PDS5B: variants seen among roughly 807,000 people sequenced by gnomAD.
The protein encoded by PDS5B is sister chromatid cohesion protein PDS5 homolog B.
PDS5B carries 51 observed loss-of-function variants against 184.1 expected under a neutral mutation model. That is an observed-to-expected ratio of 0.28 (90% CI 0.22 to 0.35). PDS5B has a LOEUF of 0.35. Among genes scored for constraint, PDS5B ranks in the 10% least tolerant of loss-of-function variants. The probability of loss-of-function intolerance (pLI) is 1.00; values close to 1 mark genes in which losing one functional copy is unlikely to be tolerated. For synonymous variants in PDS5B, 566 were observed against 569.2 expected, an observed-to-expected ratio of 0.99 and a Z score of 0.08; for missense variants, 1,180 against 1,723.3, an observed-to-expected ratio of 0.68 and a Z score of 5.58.
rs148714647 is a variant in PDS5B at position 32,733,985 on chromosome 13, A to AACACACACACACACACACACACACACAC, written c.2248-1185_2248-1158dup. On this transcript the variant is annotated intron_variant, in intron 20 of 34. Coordinates refer to ENST00000315596, the MANE Select transcript of PDS5B (RefSeq NM_015032.4). ...TCACCCTTCTGATTTCAAAAATTAAAACACACACACACACACACACACACA... is the reference window on the plus strand; with the variant it reads ...TCACCCTTCTGATTTCAAAAATTAAAACACACACACACACACACACACACACACACACACACACACACACACACACACA... 2.1e-3 allele frequency among the ~76,000 whole-genome samples: 304 copies of AACACACACACACACACACACACACACAC among 142,020 alleles called. 4 individuals carry two copies. The highest frequency in any genetic ancestry group is 7.8e-3 in the African/African-American group (275 of 35,424). 93.2% of individuals were successfully genotyped at this position (142,020 alleles called of 152,430 possible).
In PDS5B at chr13:32,694,707, A is replaced by T. The variant is rs148254394; in HGVS notation, c.1551+403A>T. Among the ~76,000 whole-genome samples the T allele has an allele frequency of 3.0e-3, 456 of 151,990 alleles. 2 individuals carry two copies. The highest frequency in any genetic ancestry group is 8.5e-3 in the South Asian group (41 of 4,830). The stretch of plus-strand genomic sequence containing the variant: ...AAAGTTTCAATAATTATGTAATTAA[A>T]GTTAGGTATCTTGATGTTTTTACTT... On this transcript the variant is annotated intron_variant, in intron 14 of 34. Coordinates refer to ENST00000315596, the MANE Select transcript of PDS5B (RefSeq NM_015032.4).
intron 32 of PDS5B, 43 bp downstream of exon 32, chr13:32,770,603 A>G (rs1021540053): frequency 5.0e-6 from 8 of 1,601,830 alleles, no homozygotes; most frequent in Non-Finnish European, 6.0e-6. Flanking sequence ...TCGTTACTAT[A>G]TTATAAATCA....
intron 1 of PDS5B, among the ~76,000 whole-genome samples, chr13:32,594,258 T>C (rs927278246): frequency 6.9e-6 from 1 of 144,834 alleles, no homozygotes; most frequent in Non-Finnish European, 1.5e-5. Flanking sequence ...AAAGCAGTTA[T>C]AACTTTTTGC....
intron 1 of PDS5B, among the ~76,000 whole-genome samples, chr13:32,610,896 T>C (rs1273288371): frequency 6.6e-6 from 1 of 152,150 alleles, no homozygotes; most frequent in Non-Finnish European, 1.5e-5. Context: ...CTCCTCTTAG[T>C]ATTATACCAT....
chr13:32,740,712 G>C (rs1953510928), intron 21 of PDS5B, among the ~76,000 whole-genome samples: 1 of 150,932 alleles, frequency 6.6e-6, no homozygotes, highest in South Asian at 2.1e-4. Context: ...CTTTCTTCTT[G>C]TTTAAGAGCT....
intron 17 of PDS5B, among the ~76,000 whole-genome samples, chr13:32,701,643 T>C (rs1951866371): frequency 6.6e-6 from 1 of 152,036 alleles, no homozygotes; most frequent in South Asian, 2.1e-4. Flanking sequence ...TATACACTCA[T>C]CTGTACCTGT....
chr13:32,590,209 G>C (rs2057753190), intron 1 of PDS5B, among the ~76,000 whole-genome samples: 1 of 152,186 alleles, frequency 6.6e-6, no homozygotes. Context: ...ACTGATTAAA[G>C]TAAGAAACTA....
chr13:32,767,069 C>T (rs1352268112), intron 31 of PDS5B, among the ~76,000 whole-genome samples: 3 of 152,086 alleles, frequency 2.0e-5, no homozygotes, highest in Non-Finnish European at 2.9e-5. Context: ...AGATCTTCCC[C>T]TCTCCTTAGA....
intron 17 of PDS5B, among the ~76,000 whole-genome samples, chr13:32,702,617 T>G (rs1300395189): frequency 1.3e-5 from 2 of 152,128 alleles, no homozygotes; most frequent in African/African-American, 4.8e-5. Flanking sequence ...GGAGAATGGG[T>G]AAGATTCTGT....
At chr13:32,745,411 A>G (rs1306150176) in intron 23 of PDS5B, among the ~76,000 whole-genome samples, 1 of 152,236 alleles carries the variant, frequency 6.6e-6, no homozygotes, top group Non-Finnish European at 1.5e-5. Flanking sequence ...CTTGAGTGAC[A>G]CTAGCATTGA....
intron 1 of PDS5B, among the ~76,000 whole-genome samples, chr13:32,613,449 G>A (rs1006428550): frequency 6.6e-6 from 1 of 152,182 alleles, no homozygotes. Flanking sequence ...GTGTAAACTG[G>A]TATCACGTTG....
intron 31 of PDS5B, among the ~76,000 whole-genome samples, chr13:32,767,006 A>C (rs546848499): frequency 9.9e-5 from 15 of 152,166 alleles, no homozygotes; most frequent in Non-Finnish European, 1.9e-4. Context: ...GTTAATTTTT[A>C]ATTTGTGCAC....
At chr13:32,694,167 C>G in intron 13 of PDS5B, 56 bp from the exon 14 acceptor site, 1 of 1,207,174 alleles carries the variant, frequency 8.3e-7, no homozygotes, top group South Asian at 1.3e-5. Context: ...TAGTAATATT[C>G]TAGAAAGATT....
At chr13:32,733,198 A>G (rs1328469301) in intron 20 of PDS5B, among the ~76,000 whole-genome samples, 1 of 152,154 alleles carries the variant, frequency 6.6e-6, no homozygotes, top group Non-Finnish European at 1.5e-5. Flanking sequence ...AAACACTGAT[A>G]TAAGTTGAAT....
chr13:32,617,993 C>A (rs1269787185), intron 1 of PDS5B, among the ~76,000 whole-genome samples: 1 of 152,058 alleles, frequency 6.6e-6, no homozygotes, highest in Non-Finnish European at 1.5e-5. Flanking sequence ...GTTGTGTAGT[C>A]TGGTAAGGGC....
intron 3 of PDS5B, among the ~76,000 whole-genome samples, chr13:32,655,374 ATTTTTTT>A (rs1228814649): frequency 6.9e-5 from 5 of 72,464 alleles, no homozygotes; most frequent in East Asian, 5.5e-4. Flanking sequence ...ATATATATAT[ATTTTTTT>A]TTTTTTTTTT....
chr13:32,653,077 T>G (rs1294780406), intron 3 of PDS5B, among the ~76,000 whole-genome samples: 1 of 152,102 alleles, frequency 6.6e-6, no homozygotes, highest in East Asian at 1.9e-4. Flanking sequence ...GCCGATCACC[T>G]GAGGTCAGGA....
In PDS5B at chr13:32,751,781, A is replaced by C. The variant is rs140737512; in HGVS notation, c.2737-1551A>C. Among the ~76,000 whole-genome samples, 1,270 of 152,066 alleles carry C rather than the reference A, an allele frequency of 8.4e-3. 20 individuals carry two copies. The highest frequency in any genetic ancestry group is 0.029 in the African/African-American group (1,200 of 41,478). ...TTTTGTTGGATGCATAGTTTGCAAA[A>C]ATTTTCTCCCATTCTGTAGTTTGTC... On this transcript the variant is annotated intron_variant, in intron 24 of 34. Coordinates refer to ENST00000315596, the MANE Select transcript of PDS5B (RefSeq NM_015032.4).
intron 25 of PDS5B, among the ~76,000 whole-genome samples, chr13:32,753,921 G>C (rs562151483): frequency 6.6e-6 from 1 of 152,042 alleles, no homozygotes; most frequent in Admixed American, 6.6e-5. Flanking sequence ...AGGTGTTTGC[G>C]TGCCTACTTT....
Sources: allele counts gnomAD v4.1 joint callset (sites outside exome capture counted in the v4.1 genomes callset), GRCh38; gene constraint gnomAD v4.1.1; transcripts MANE v1.5; gene names NCBI Gene and HGNC (gene_info 2026-07-23, HGNC 2026-07-21).